Variants in PELI2 observed in about 807,000 individuals in gnomAD.
PELI2 encodes the protein pellino E3 ubiquitin protein ligase family member 2.
PELI2 carries 23 observed loss-of-function variants against 42.3 expected under a neutral mutation model. That is an observed-to-expected ratio of 0.54 (90% confidence interval 0.39 to 0.77). The LOEUF (loss-of-function observed/expected upper bound fraction) is 0.77, where lower values mean the gene tolerates loss of function less well. PELI2 is among the 30% of genes least tolerant of loss of function. The pLI, the probability that PELI2 is intolerant of heterozygous loss-of-function variation, is 0.00. For synonymous variants in PELI2, 245 were observed against 212.2 expected (o/e 1.15, Z -1.34); for missense variants, 463 against 553.2 (o/e 0.84, Z 1.64).
At chr14:56,224,855 A>G (rs7140370) in intron 2 of PELI2, among the ~76,000 whole-genome samples, 3,480 of 123,766 alleles carry the variant, frequency 0.028, 139 homozygotes, top group African/African-American at 0.087. Context: ...CCTGGCCCCC[A>G]TACCCTCTTC....
At chr14:56,177,317 G>C (rs1885417097) in intron 1 of PELI2, among the ~76,000 whole-genome samples, 1 of 152,228 alleles carries the variant, frequency 6.6e-6, no homozygotes, top group Non-Finnish European at 1.5e-5. Flanking sequence ...GAAAAGTGGA[G>C]AAGGCCCAGG....
intron 1 of PELI2, among the ~76,000 whole-genome samples, chr14:56,149,599 T>A (rs1010842075): frequency 2.0e-5 from 3 of 147,802 alleles, no homozygotes; most frequent in Non-Finnish European, 4.4e-5. Context: ...ACCTTTTACT[T>A]TTTTTTTTTC....
intron 2 of PELI2, among the ~76,000 whole-genome samples, chr14:56,263,001 C>T (rs1293525898): frequency 1.3e-5 from 2 of 152,066 alleles, no homozygotes; most frequent in African/African-American, 4.8e-5. Context: ...TTCTTTTGCT[C>T]AAGGATGTGC....
intron 1 of PELI2, among the ~76,000 whole-genome samples, chr14:56,168,675 G>T (rs7152171): frequency 1.3e-5 from 2 of 151,996 alleles, no homozygotes; most frequent in African/African-American, 4.8e-5. Context: ...CCCTGTGGCC[G>T]TGCTGGTACG....
chr14:56,138,701 A>G (rs1566601283), intron 1 of PELI2, among the ~76,000 whole-genome samples: 2 of 152,226 alleles, frequency 1.3e-5, no homozygotes, highest in Non-Finnish European at 2.9e-5. Flanking sequence ...CTTAGCATTT[A>G]TTCCATTTCA....
chr14:56,287,912 A>G (rs1425371473), intron 3 of PELI2, among the ~76,000 whole-genome samples: 2 of 152,246 alleles, frequency 1.3e-5, no homozygotes, highest in Non-Finnish European at 2.9e-5. Flanking sequence ...CTTTATGTGC[A>G]TACATCACAG....
chr14:56,142,475 C>A (rs1417394352), intron 1 of PELI2, among the ~76,000 whole-genome samples: 1 of 152,164 alleles, frequency 6.6e-6, no homozygotes, highest in Non-Finnish European at 1.5e-5. Flanking sequence ...TAGAACCTGG[C>A]AGAGGTCTAG....
chr14:56,292,863 C>A, intron 5 of PELI2: 1 of 915,848 alleles, frequency 1.1e-6, no homozygotes, highest in Non-Finnish European at 1.3e-6. Flanking sequence ...TTAATGATAA[C>A]ATATGGTAAC....
Position 56,219,836 on chromosome 14 carries a change from T to C in PELI2, c.207+41372T>C, listed in dbSNP as rs1390444898. Among the ~76,000 whole-genome samples, 1 of 152,208 alleles carries C rather than the reference T, an allele frequency of 6.6e-6. No homozygotes were observed. The highest frequency in any genetic ancestry group is 2.4e-5 in the African/African-American group (1 of 41,456). ...AACTTGCCCCATTCCACAGCGGACT[T>C]GAGGCAGCTGACATTCTTACAGAAA... On this transcript the variant is annotated intron_variant, in intron 2 of 5. Coordinates refer to ENST00000267460, the MANE Select transcript of PELI2 (RefSeq NM_021255.3). This position sits in a 1 kb window ranked among gnomAD's most constrained non-coding sequence, Gnocchi z 4.1.
chr14:56,181,340 C>CTTT (rs57251739), intron 2 of PELI2, among the ~76,000 whole-genome samples: 2 of 97,094 alleles, frequency 2.1e-5, no homozygotes, highest in East Asian at 3.0e-4. Flanking sequence ...CCCTGGTGGA[C>CTTT]TTTTTTTTTT....
chr14:56,158,320 G>T (rs754877916), intron 1 of PELI2, among the ~76,000 whole-genome samples: 1 of 151,584 alleles, frequency 6.6e-6, no homozygotes, highest in Non-Finnish European at 1.5e-5. Context: ...GAGCTGCCGT[G>T]CCTGCCCAAG....
intron 5 of PELI2, among the ~76,000 whole-genome samples, chr14:56,293,806 C>T (rs548528702): frequency 5.3e-5 from 8 of 152,318 alleles, no homozygotes; most frequent in African/African-American, 1.9e-4. Context: ...ACCATACACC[C>T]CAGATTTATA....
chr14:56,251,607 T>C (rs1453733066), intron 2 of PELI2, among the ~76,000 whole-genome samples: 1 of 152,198 alleles, frequency 6.6e-6, no homozygotes. Context: ...CACTTGTAAT[T>C]GTGAGCCCCT....
At chr14:56,126,756 C>T (rs889850850) in intron 1 of PELI2, among the ~76,000 whole-genome samples, 3 of 152,036 alleles carry the variant, frequency 2.0e-5, no homozygotes, top group African/African-American at 7.2e-5. Context: ...TGATTGATTG[C>T]GTTGGGGAAA....
rs142407180 is a variant in PELI2 at position 56,213,573 on chromosome 14, A to T, written c.207+35109A>T. On this transcript the variant is annotated intron_variant, in intron 2 of 5. Coordinates refer to ENST00000267460, the MANE Select transcript of PELI2 (RefSeq NM_021255.3). Reference sequence around the variant, plus strand: ...AGCAGCATGTGGACTGTTGTCATTCAGCAGTTTGACAGTTTCATTGTAAAG... The same window carrying T: ...AGCAGCATGTGGACTGTTGTCATTCTGCAGTTTGACAGTTTCATTGTAAAG... 7.2e-5 allele frequency among the ~76,000 whole-genome samples: 11 copies of T among 152,338 alleles called. No homozygotes were observed. The East Asian group carries it at 1.9e-3, about 27-fold the overall frequency.
At position 56,258,929 on chromosome 14, in the gene PELI2, C is replaced by T. The variant is rs191668244; in HGVS notation, c.208-20747C>T. On this transcript the variant is annotated intron_variant, in intron 2 of 5. Transcript: ENST00000267460. ...ACATGACAGTTAAATTGCCAAAAAG[C>T]AATAATAAATAGAAAATCTCAAAAT... Among the ~76,000 whole-genome samples, 328 of 151,652 alleles carry T rather than the reference C, an allele frequency of 2.2e-3. 1 individual carries two copies. The highest frequency in any genetic ancestry group is 7.4e-3 in the African/African-American group (305 of 41,378).
At chr14:56,249,297 T>G (rs1207068505) in intron 2 of PELI2, among the ~76,000 whole-genome samples, 1 of 152,154 alleles carries the variant, frequency 6.6e-6, no homozygotes, top group Non-Finnish European at 1.5e-5. Flanking sequence ...CATTAATGGT[T>G]CCCTCTTTCA....
At chr14:56,182,809 A>G (rs1885633078) in intron 2 of PELI2, among the ~76,000 whole-genome samples, 1 of 152,194 alleles carries the variant, frequency 6.6e-6, no homozygotes, top group Non-Finnish European at 1.5e-5. Context: ...AAAACTAACA[A>G]TATAATTTTC....
intron 2 of PELI2, among the ~76,000 whole-genome samples, chr14:56,199,252 G>A (rs1886247138): frequency 6.6e-6 from 1 of 152,184 alleles, no homozygotes; most frequent in Non-Finnish European, 1.5e-5. Flanking sequence ...ATTGTCCTGA[G>A]TGTCTCCACA....
Sources: gnomAD v4.1 joint callset for allele counts (sites outside exome capture counted in the v4.1 genomes callset) on GRCh38, gnomAD v4.1.1 for gene constraint, Gnocchi (gnomAD v3.1) non-coding constraint, MANE v1.5 for transcripts, NCBI Gene and HGNC (gene_info 2026-07-23, HGNC 2026-07-21) for gene names.